Variants in PDZRN4 observed in about 807,000 individuals in gnomAD.
The protein encoded by PDZRN4 is PDZ domain containing ring finger 4.
Under a neutral mutation model 99.0 loss-of-function variants are expected in PDZRN4, and 70 were observed. The ratio of observed to expected loss-of-function variants is 0.71; its 90% confidence interval spans 0.58 to 0.86. The LOEUF is 0.86. Ranked by LOEUF, PDZRN4 falls within the 40% of genes least tolerant of loss-of-function variation. The pLI is 0.00. For missense variants in PDZRN4, 1,474 were observed against 1,331.2 expected, an observed-to-expected ratio of 1.11 and a Z score of -1.67; for synonymous variants, 551 against 501.6, an observed-to-expected ratio of 1.10 and a Z score of -1.32.
rs1347232144 is a variant in PDZRN4, at chr12:41,188,935, C to A, written c.480C>A (p.Pro160=). The A allele has an allele frequency of 4.0e-6, 5 of 1,249,464 alleles. No homozygotes were observed. The highest frequency in any genetic ancestry group is 4.0e-6 in the Non-Finnish European group (4 of 997,076). 77.4% of individuals were successfully genotyped at this position (1,249,464 alleles called of 1,614,324 possible). The change falls in exon 1 of 10, where the codon CCC becomes CCA. Residue 160 remains proline, a synonymous_variant. Coordinates refer to ENST00000402685, the MANE Select transcript of PDZRN4 (RefSeq NM_001164595.2). Reference sequence around the variant, plus strand: ...GCCGCTGGGGCCGCGGGCGGGGACCCGGGCCTCGGGTCCTCGCCTGGAGGC... The same window carrying A: ...GCCGCTGGGGCCGCGGGCGGGGACCAGGGCCTCGGGTCCTCGCCTGGAGGC... ...PGGRWGRGRG[P]GPRVLAWRRR... is the part of the protein sequence containing the mutation.
intron 3 of PDZRN4, among the ~76,000 whole-genome samples, chr12:41,355,373 T>C (rs566288632): frequency 1.3e-5 from 2 of 152,154 alleles, no homozygotes; most frequent in Non-Finnish European, 1.5e-5. Context: ...CAGTTATCTG[T>C]TTACCTTTTA....
intron 1 of PDZRN4, among the ~76,000 whole-genome samples, chr12:41,189,820 A>G (rs573686405): frequency 6.6e-6 from 1 of 152,178 alleles, no homozygotes; most frequent in African/African-American, 2.4e-5. Context: ...CGACCTGGGA[A>G]GTCCAGTCCG....
At chr12:41,536,130 A>G (rs774167034) in intron 5 of PDZRN4, among the ~76,000 whole-genome samples, 16 of 152,206 alleles carry the variant, frequency 1.1e-4, no homozygotes, top group Non-Finnish European at 2.4e-4. Context: ...AAATCAGTAA[A>G]TATGCTCAAG....
At chr12:41,240,364 G>C (rs990287369) in intron 3 of PDZRN4, among the ~76,000 whole-genome samples, 3 of 152,138 alleles carry the variant, frequency 2.0e-5, no homozygotes, top group Non-Finnish European at 2.9e-5. Context: ...AAAACATAAT[G>C]GGTGTAATAA....
intron 3 of PDZRN4, among the ~76,000 whole-genome samples, chr12:41,501,248 C>G (rs1234986185): frequency 6.6e-6 from 1 of 152,130 alleles, no homozygotes; most frequent in Non-Finnish European, 1.5e-5. Context: ...TCTCAAACAG[C>G]TGACTCTAGA....
At chr12:41,560,948 A>T (rs1252092604) in intron 7 of PDZRN4, among the ~76,000 whole-genome samples, 1 of 152,182 alleles carries the variant, frequency 6.6e-6, no homozygotes, top group African/African-American at 2.4e-5. Context: ...ATTACATTTT[A>T]ATGACAGATT....
intron 3 of PDZRN4, among the ~76,000 whole-genome samples, chr12:41,240,321 T>A (rs1951093986): frequency 6.6e-6 from 1 of 152,186 alleles, no homozygotes; most frequent in Non-Finnish European, 1.5e-5. Flanking sequence ...AATTCCCATA[T>A]GTGCATCTAA....
chr12:41,337,636 A>G (rs1951785278), intron 3 of PDZRN4, among the ~76,000 whole-genome samples: 1 of 152,250 alleles, frequency 6.6e-6, no homozygotes, highest in East Asian at 1.9e-4. Context: ...TACAATAATT[A>G]TCACCTGATC....
intron 9 of PDZRN4, among the ~76,000 whole-genome samples, chr12:41,572,003 CT>C (rs1939490329): frequency 6.6e-6 from 1 of 152,146 alleles, no homozygotes; most frequent in Non-Finnish European, 1.5e-5. Flanking sequence ...CTGTCTTATT[CT>C]TTTGCATATT....
At chr12:41,397,881 A>T (rs1952261142) in intron 3 of PDZRN4, among the ~76,000 whole-genome samples, 1 of 152,060 alleles carries the variant, frequency 6.6e-6, no homozygotes, top group South Asian at 2.1e-4. Context: ...GCTGTGTCTT[A>T]TGGTAAAAGA....
intron 3 of PDZRN4, among the ~76,000 whole-genome samples, chr12:41,245,265 C>G (rs1186777031): frequency 6.6e-6 from 1 of 152,142 alleles, no homozygotes; most frequent in Non-Finnish European, 1.5e-5. Context: ...GAACCTGGAA[C>G]AGTGCAGCCT....
rs558043096 is a variant in PDZRN4, at chr12:41,384,568, T to C, written c.844-121888T>C. Among the ~76,000 whole-genome samples the C allele has an allele frequency of 8.8e-3, 1,337 of 152,304 alleles. 19 individuals carry two copies. Among genetic ancestry groups the C allele is most frequent in the African/African-American group, 0.031 (1,273 of 41,564 alleles). On this transcript the variant is annotated intron_variant, in intron 3 of 9. Coordinates refer to ENST00000402685, the MANE Select transcript of PDZRN4 (RefSeq NM_001164595.2). The stretch of plus-strand genomic sequence containing the variant: ...TTGGAGAGACCCAGATGTCCTCCGC[T>C]CTTGGAATGGGTTACTTCCTAGGAC...
chr12:41,277,788 A>G (rs1323173401), intron 3 of PDZRN4, among the ~76,000 whole-genome samples: 1 of 152,240 alleles, frequency 6.6e-6, no homozygotes, highest in Non-Finnish European at 1.5e-5. Flanking sequence ...TGTTAGAGGT[A>G]ATCAATTTCT....
chr12:41,567,906 C>A lies in PDZRN4; in HGVS notation c.1584+7C>A. 3 of 1,512,010 alleles carry A rather than the reference C, an allele frequency of 2.0e-6. No homozygotes were observed. Among genetic ancestry groups the A allele is most frequent in the South Asian group, 1.2e-5 (1 of 85,052 alleles). The allele number at this position is 1,512,010 out of a possible 1,614,324, so 93.7% of individuals were successfully genotyped here. On this transcript the variant is annotated splice_region_variant and intron_variant, in intron 9 of 9. Transcript: ENST00000402685. ...TGCCAATGAGGTGGAGCAGGTAGGG[C>A]CAACAATTTGAACTACATCATTTGA...
chr12:41,552,908 A>T (rs1939083882), intron 6 of PDZRN4, among the ~76,000 whole-genome samples, 154 bp downstream of exon 6: 1 of 152,212 alleles, frequency 6.6e-6, no homozygotes. Flanking sequence ...TTAGGAAAGT[A>T]AATTATTCTG....
intron 3 of PDZRN4, among the ~76,000 whole-genome samples, chr12:41,424,108 G>A (rs1359640861): frequency 2.6e-5 from 4 of 152,176 alleles, no homozygotes; most frequent in Non-Finnish European, 4.4e-5. Flanking sequence ...TTTCCTGCAA[G>A]CCCTACTCTG....
intron 3 of PDZRN4, among the ~76,000 whole-genome samples, chr12:41,220,768 A>C (rs1950950152): frequency 6.6e-6 from 1 of 152,212 alleles, no homozygotes; most frequent in Non-Finnish European, 1.5e-5. Flanking sequence ...TGTTAGGCAT[A>C]AGTCAAGAAG....
intron 3 of PDZRN4, among the ~76,000 whole-genome samples, chr12:41,271,537 A>G (rs1339919940): frequency 6.6e-6 from 1 of 152,144 alleles, no homozygotes; most frequent in East Asian, 1.9e-4. Context: ...CTTGCCAATT[A>G]AAATGCTAGC....
intron 3 of PDZRN4, among the ~76,000 whole-genome samples, chr12:41,284,053 G>T (rs1269962261): frequency 6.6e-6 from 1 of 152,114 alleles, no homozygotes; most frequent in African/African-American, 2.4e-5. Context: ...CAAATAGGAA[G>T]AGAGGAAATC....
Sources: gnomAD v4.1 joint callset for allele counts (sites outside exome capture counted in the v4.1 genomes callset) on GRCh38, gnomAD v4.1.1 for gene constraint, MANE v1.5 for transcripts, NCBI Gene and HGNC (gene_info 2026-07-23, HGNC 2026-07-21) for gene names.